LPGAT1: variants seen among roughly 807,000 people sequenced by gnomAD.
LPGAT1 encodes lysophosphatidylglycerol acyltransferase 1.
In LPGAT1, 11 loss-of-function variants were observed where a neutral mutation model predicts 47.5. The observed-to-expected ratio is 0.23, with a 90% CI of 0.15 to 0.38. The LOEUF is 0.38. Ranked by LOEUF, LPGAT1 falls within the 10% of genes least tolerant of loss-of-function variation. The pLI, the probability that LPGAT1 is intolerant of heterozygous loss-of-function variation, is 1.00. For missense variants in LPGAT1, 293 were observed against 439.0 expected, an observed-to-expected ratio of 0.67 and a Z score of 2.97; for synonymous variants, 138 against 144.2, an observed-to-expected ratio of 0.96 and a Z score of 0.31.
intron 2 of LPGAT1, among the ~76,000 whole-genome samples, chr1:211,815,155 C>G (rs767213355): frequency 6.6e-6 from 1 of 152,232 alleles, no homozygotes; most frequent in Non-Finnish European, 1.5e-5. Context: ...CTCTTTCTAG[C>G]TCAAGTTTCC....
intron 2 of LPGAT1, among the ~76,000 whole-genome samples, chr1:211,813,665 C>G (rs1660074975): frequency 6.6e-6 from 1 of 152,128 alleles, no homozygotes; most frequent in South Asian, 2.1e-4. Context: ...AATTATTTCT[C>G]AGGAGAGAAC....
At chr1:211,800,497 G>C (rs1261640787) in intron 2 of LPGAT1, among the ~76,000 whole-genome samples, 3 of 152,094 alleles carry the variant, frequency 2.0e-5, no homozygotes, top group African/African-American at 7.2e-5. Context: ...ATGAATTAGG[G>C]AAGAGCAGGA....
At chr1:211,774,967 T>G (rs1571715076) in intron 6 of LPGAT1, among the ~76,000 whole-genome samples, 1 of 152,160 alleles carries the variant, frequency 6.6e-6, no homozygotes, top group Non-Finnish European at 1.5e-5. Context: ...AAATAATTTT[T>G]TTTTAAAAAA....
chr1:211,745,676 G>C lies in LPGAT1; in HGVS notation c.*4223C>G, dbSNP rs1656914743. 6.6e-6 allele frequency: 1 copy of C among 152,514 alleles called. No individual in the cohort carries two copies. The highest frequency in any genetic ancestry group is 2.1e-4 in the South Asian group (1 of 4,822). 9.4% of individuals were successfully genotyped at this position (152,514 alleles called of 1,614,324 possible). On this transcript the variant is annotated 3_prime_UTR_variant, in exon 8 of 8. Coordinates refer to ENST00000366997, the MANE Select transcript of LPGAT1 (RefSeq NM_014873.3). ...TTCAGCACCCTCAGCTTATTCCCAG[G>C]GTCCAGTTCCTAATTGTTGGGGATT...
intron 6 of LPGAT1, among the ~76,000 whole-genome samples, chr1:211,760,240 A>C (rs959696266): frequency 2.6e-5 from 4 of 152,198 alleles, no homozygotes; most frequent in African/African-American, 4.8e-5. Context: ...TAGGCAGATC[A>C]CCTGAGGTAG....
rs942571495 is a variant in LPGAT1 at position 211,830,562 on chromosome 1, C to G, written c.-28+11G>C. On this transcript the variant is annotated intron_variant, in intron 1 of 7. Transcript: ENST00000366997. The surrounding 1 kb of genome is among the most constrained non-coding windows in gnomAD (Gnocchi z 5.9). ...CGCTCTGGGGCCTGCGACCGCGGAG[C>G]CGGAGGTTACCTCGGGCTGGCCGGG... 239 of 1,200,170 alleles carry G rather than the reference C, an allele frequency of 2.0e-4. 1 individual carries two copies. The African/African-American group carries it at 3.4e-3, about 17-fold the overall frequency. 74.3% of individuals were successfully genotyped at this position (1,200,170 alleles called of 1,614,324 possible).
chr1:211,769,952 A>G (rs1658097092), intron 6 of LPGAT1, among the ~76,000 whole-genome samples: 1 of 152,074 alleles, frequency 6.6e-6, no homozygotes, highest in Non-Finnish European at 1.5e-5. Context: ...CCCAGCCCCT[A>G]CTCAAGATGG....
chr1:211,765,459 C>T (rs187680979), intron 6 of LPGAT1, among the ~76,000 whole-genome samples: 125 of 152,206 alleles, frequency 8.2e-4, no homozygotes, highest in South Asian at 2.3e-3. Flanking sequence ...TTATGTTTAA[C>T]CATTGTCCAA....
chr1:211,830,382 G>A lies in LPGAT1; in HGVS notation c.-28+191C>T. ...CAGAGGCCGGACCTGTCACCCGGGC[G>A]GGTCCCGGGGAGGCGGGCGGATGCC... On this transcript the variant is annotated intron_variant, in intron 1 of 7. Coordinates refer to ENST00000366997, the MANE Select transcript of LPGAT1 (RefSeq NM_014873.3). This position sits in a 1 kb window ranked among gnomAD's most constrained non-coding sequence, Gnocchi z 5.9. 8.6e-7 allele frequency: 1 copy of A among 1,168,370 alleles called. No homozygotes were observed. The highest frequency in any genetic ancestry group is 1.1e-6 in the Non-Finnish European group (1 of 947,436). 72.4% of individuals were successfully genotyped at this position (1,168,370 alleles called of 1,614,324 possible). A position where few individuals can be genotyped will look rare whatever the true frequency, so the allele number is the denominator to read the frequency against.
chr1:211,784,755 A>G (rs1658786706), intron 4 of LPGAT1, among the ~76,000 whole-genome samples: 1 of 151,636 alleles, frequency 6.6e-6, no homozygotes, highest in South Asian at 2.1e-4. Flanking sequence ...ATCCAGAAAA[A>G]TTTGTAGGAA....
At chr1:211,812,529 A>C (rs1660023866) in intron 2 of LPGAT1, among the ~76,000 whole-genome samples, 1 of 152,220 alleles carries the variant, frequency 6.6e-6, no homozygotes, top group African/African-American at 2.4e-5. Context: ...AATTGTGACC[A>C]TGTGCAAAGG....
At chr1:211,771,193 A>G (rs1658154669) in intron 6 of LPGAT1, among the ~76,000 whole-genome samples, 1 of 151,998 alleles carries the variant, frequency 6.6e-6, no homozygotes, top group South Asian at 2.1e-4. Context: ...CCAATTGCCT[A>G]CAGTCTTCAC....
At chr1:211,763,478 C>T (rs1657787341) in intron 6 of LPGAT1, among the ~76,000 whole-genome samples, 2 of 152,152 alleles carry the variant, frequency 1.3e-5, no homozygotes. Context: ...CAAGATCAGC[C>T]TCCACAACTG....
intron 2 of LPGAT1, among the ~76,000 whole-genome samples, chr1:211,807,685 C>CA (rs1232506634): frequency 6.6e-6 from 1 of 151,568 alleles, no homozygotes; most frequent in Non-Finnish European, 1.5e-5. Context: ...AATAATGTTG[C>CA]AAAAAAAATG....
At chr1:211,816,564 C>T in intron 2 of LPGAT1, among the ~76,000 whole-genome samples, 1 of 152,154 alleles carries the variant, frequency 6.6e-6, no homozygotes, top group Admixed American at 6.5e-5. Context: ...GCCTGAATAG[C>T]CTCAGATATA....
chr1:211,784,490 CAA>C (rs373021672), intron 4 of LPGAT1, among the ~76,000 whole-genome samples: 14,809 of 112,488 alleles, frequency 0.13, 677 homozygotes, highest in East Asian at 0.2. Flanking sequence ...GACCCTGTCT[CAA>C]AAAAAAAAAA....
chr1:211,805,925 A>T (rs188391154), intron 2 of LPGAT1, among the ~76,000 whole-genome samples: 95 of 152,292 alleles, frequency 6.2e-4, no homozygotes, highest in Non-Finnish European at 1.1e-3. Context: ...ATATACCATG[A>T]CCAAGTTAGG....
chr1:211,803,765 T>C (rs1659658433), intron 2 of LPGAT1, among the ~76,000 whole-genome samples: 1 of 101,890 alleles, frequency 9.8e-6, no homozygotes, highest in African/African-American at 3.5e-5. Context: ...TTTTTCTTTC[T>C]TTTTTTTTTT....
At chr1:211,785,803 C>A (rs535593051) in intron 4 of LPGAT1, among the ~76,000 whole-genome samples, 1 of 152,200 alleles carries the variant, frequency 6.6e-6, no homozygotes, top group South Asian at 2.1e-4. Context: ...AACAGGCCTT[C>A]ACCATGTTGG....
Sources: gnomAD v4.1 joint callset for allele counts (sites outside exome capture counted in the v4.1 genomes callset) on GRCh38, gnomAD v4.1.1 for gene constraint, Gnocchi (gnomAD v3.1) non-coding constraint, MANE v1.5 for transcripts, NCBI Gene and HGNC (gene_info 2026-07-23, HGNC 2026-07-21) for gene names.